The following RNF180 variants were observed in gnomAD, a reference collection of about 807,000 sequenced individuals.
RNF180 encodes the protein E3 ubiquitin-protein ligase RNF180.
RNF180 carries 38 observed loss-of-function variants against 59.2 expected under a neutral mutation model. The ratio of observed to expected loss-of-function variants is 0.64; its 90% confidence interval spans 0.50 to 0.84. The LOEUF (loss-of-function observed/expected upper bound fraction) is 0.84. RNF180 is among the 40% of genes least tolerant of loss of function. RNF180 has a pLI of 0.00. For missense variants in RNF180, 705 were observed against 700.9 expected, an observed-to-expected ratio of 1.01 and a Z score of -0.07; for synonymous variants, 262 against 240.3, an observed-to-expected ratio of 1.09 and a Z score of -0.84.
At chr5:64,204,453 CA>C (rs1385203988) in intron 2 of RNF180, among the ~76,000 whole-genome samples, 2 of 152,152 alleles carry the variant, frequency 1.3e-5, no homozygotes, top group Non-Finnish European at 2.9e-5. Flanking sequence ...ACGTCTTCAC[CA>C]ACATTTAACA....
intron 5 of RNF180, among the ~76,000 whole-genome samples, chr5:64,241,231 C>G (rs915296413): frequency 2.0e-5 from 3 of 152,204 alleles, no homozygotes; most frequent in Non-Finnish European, 4.4e-5. Context: ...GACCCCTTCC[C>G]AAAAAACAAA....
chr5:64,322,858 G>A (rs1744441228), intron 5 of RNF180, among the ~76,000 whole-genome samples: 1 of 152,088 alleles, frequency 6.6e-6, no homozygotes, highest in Admixed American at 6.6e-5. Context: ...GGAAGGGAGT[G>A]AGGGATAAAA....
intron 7 of RNF180, among the ~76,000 whole-genome samples, chr5:64,354,576 A>G (rs1745943878): frequency 6.6e-6 from 1 of 151,932 alleles, no homozygotes; most frequent in Admixed American, 6.6e-5. Context: ...TTGAAGAAGA[A>G]ATACTTCATG....
chr5:64,210,056 C>T (rs569799309), intron 2 of RNF180, among the ~76,000 whole-genome samples: 33 of 152,066 alleles, frequency 2.2e-4, no homozygotes, highest in Admixed American at 3.9e-4. Context: ...ACTATTAGAA[C>T]TTAGAAAAGG....
intron 5 of RNF180, among the ~76,000 whole-genome samples, chr5:64,284,866 G>A (rs75213232): frequency 0.022 from 3,305 of 152,294 alleles, 91 homozygotes; most frequent in African/African-American, 0.056. Context: ...TGGGAAACTA[G>A]TGCAGTCATT....
At chr5:64,252,082 C>G (rs560881188) in intron 5 of RNF180, among the ~76,000 whole-genome samples, 1 of 152,028 alleles carries the variant, frequency 6.6e-6, no homozygotes, top group African/African-American at 2.4e-5. Flanking sequence ...CCCAAACAAC[C>G]AAAACAATCT....
intron 5 of RNF180, among the ~76,000 whole-genome samples, chr5:64,265,759 G>GA (rs1040578106): frequency 2.6e-5 from 4 of 151,976 alleles, no homozygotes; most frequent in African/African-American, 7.3e-5. Context: ...CTAATTCTGT[G>GA]AAAAAATGTC....
chr5:64,239,227 G>A (rs577270803), intron 5 of RNF180, among the ~76,000 whole-genome samples: 2 of 152,270 alleles, frequency 1.3e-5, no homozygotes, highest in East Asian at 3.9e-4. Flanking sequence ...TCATAGATAA[G>A]TGGCATTGGC....
At chr5:64,178,724 G>T (rs752468098) in intron 1 of RNF180, among the ~76,000 whole-genome samples, 1 of 151,934 alleles carries the variant, frequency 6.6e-6, no homozygotes, top group African/African-American at 2.4e-5. Flanking sequence ...TCTATTGCTT[G>T]TACAGTGCAT....
intron 1 of RNF180, among the ~76,000 whole-genome samples, chr5:64,189,846 G>A (rs1444034691): frequency 2.0e-5 from 3 of 152,194 alleles, no homozygotes; most frequent in Admixed American, 6.5e-5. Context: ...GATTAAAGGA[G>A]ACAAGACAGG....
At chr5:64,264,934 A>G (rs1368957708) in intron 5 of RNF180, among the ~76,000 whole-genome samples, 1 of 152,136 alleles carries the variant, frequency 6.6e-6, no homozygotes, top group Non-Finnish European at 1.5e-5. Flanking sequence ...CTGGCTTGAG[A>G]TGGTATCTCA....
At chr5:64,230,298 A>G (rs1232040959) in intron 5 of RNF180, among the ~76,000 whole-genome samples, 1 of 152,262 alleles carries the variant, frequency 6.6e-6, no homozygotes, top group African/African-American at 2.4e-5. Flanking sequence ...CATTTATTAC[A>G]GTTCTGTAGG....
chr5:64,293,171 G>A (rs181596179), intron 5 of RNF180, among the ~76,000 whole-genome samples: 30 of 152,286 alleles, frequency 2.0e-4, no homozygotes, highest in Admixed American at 1.0e-3. Flanking sequence ...TGGTTTCCCA[G>A]GTGGGTTCAC....
Position 64,197,558 on chromosome 5 carries a change from C to G in RNF180, c.1-3250C>G, listed in dbSNP as rs551535167. 5.3e-5 allele frequency among the ~76,000 whole-genome samples: 8 copies of G among 152,074 alleles called. No homozygotes were observed. The South Asian group carries it at 1.2e-3, about 24-fold the overall frequency. On this transcript the variant is annotated intron_variant, in intron 1 of 7. Transcript: ENST00000389100. ...TTTATTCTTTACCACCATATAGATG[C>G]AAAAAACCTGTTTATCGAAGCAGTA...
At chr5:64,292,022 A>C (rs1236009196) in intron 5 of RNF180, among the ~76,000 whole-genome samples, 1 of 151,956 alleles carries the variant, frequency 6.6e-6, no homozygotes, top group East Asian at 1.9e-4. Context: ...TCTGGTTATC[A>C]ACTCCTGTAT....
intron 7 of RNF180, among the ~76,000 whole-genome samples, chr5:64,358,511 G>T (rs555155342): frequency 6.6e-6 from 1 of 151,834 alleles, no homozygotes; most frequent in East Asian, 2.0e-4. Flanking sequence ...GGCTCAAGAA[G>T]AACTAGAAGA....
At position 64,369,637 on chromosome 5, in the gene RNF180, A is replaced by T; in HGVS notation, c.1602A>T (p.Pro534=). The change falls in exon 8 of 8, where the codon CCA becomes CCT. Residue 534 remains proline, a synonymous_variant. Transcript: ENST00000389100. ...TAGGTTTCCGCAGACATGCAGCTCC[A>T]GTTACAAGAAGGCAGTTCCCACACG... The part of the protein sequence containing the change: ...LFGGFRRHAA[P]VTRRQFPHGA... 1 of 1,522,970 alleles carries T rather than the reference A, an allele frequency of 6.6e-7. No homozygotes were observed. The highest frequency in any genetic ancestry group is 1.3e-5 in the South Asian group (1 of 78,640). The allele number at this position is 1,522,970 out of a possible 1,614,324, so 94.3% of individuals were successfully genotyped here.
intron 7 of RNF180, among the ~76,000 whole-genome samples, chr5:64,351,496 A>G (rs1215007276): frequency 6.6e-6 from 1 of 152,090 alleles, no homozygotes; most frequent in African/African-American, 2.4e-5. Context: ...TTCAAAGGGA[A>G]TGCTTCCAGT....
chr5:64,189,445 A>T (rs1226463572), intron 1 of RNF180, among the ~76,000 whole-genome samples: 2 of 152,164 alleles, frequency 1.3e-5, no homozygotes, highest in Non-Finnish European at 2.9e-5. Flanking sequence ...GGAAATTGGA[A>T]GAAGGTAGTC....
Sources: gnomAD v4.1 joint callset for allele counts (sites outside exome capture counted in the v4.1 genomes callset) on GRCh38, gnomAD v4.1.1 for gene constraint, MANE v1.5 for transcripts, NCBI Gene and HGNC (gene_info 2026-07-23, HGNC 2026-07-21) for gene names.